Variants in PRKCB observed in about 807,000 individuals in gnomAD.
PRKCB encodes the protein protein kinase C beta, also known as protein kinase C beta type.
Under a neutral mutation model 81.5 loss-of-function variants are expected in PRKCB, and 13 were observed. The ratio of observed to expected loss-of-function variants is 0.16; its 90% CI spans 0.10 to 0.25. The LOEUF is 0.25. Among genes scored for constraint, PRKCB ranks in the 10% least tolerant of loss-of-function variants. The pLI is 1.00. For synonymous variants in PRKCB, 335 were observed against 321.4 expected, an observed-to-expected ratio of 1.04 and a Z score of -0.45; for missense variants, 509 against 875.7, an observed-to-expected ratio of 0.58 and a Z score of 5.29.
At chr16:24,002,073 TG>T in intron 3 of PRKCB, among the ~76,000 whole-genome samples, 1 of 152,214 alleles carries the variant, frequency 6.6e-6, no homozygotes, top group East Asian at 1.9e-4. Flanking sequence ...TCTTCTGACC[TG>T]GGTTTATTTG....
At chr16:23,905,319 A>G (rs1175709237) in intron 2 of PRKCB, among the ~76,000 whole-genome samples, 1 of 152,174 alleles carries the variant, frequency 6.6e-6, no homozygotes, top group East Asian at 1.9e-4. Flanking sequence ...CCTCCCGGTT[A>G]TAATGGCAAA....
At chr16:24,009,158 G>A (rs867238306) in intron 3 of PRKCB, among the ~76,000 whole-genome samples, 3 of 152,272 alleles carry the variant, frequency 2.0e-5, no homozygotes, top group Middle Eastern at 3.4e-3. Context: ...CAATGAACAT[G>A]GAACTGCTAA....
intron 5 of PRKCB, among the ~76,000 whole-genome samples, chr16:24,048,563 C>T (rs1158990647): frequency 1.3e-5 from 2 of 151,690 alleles, no homozygotes; most frequent in African/African-American, 4.8e-5. Flanking sequence ...AATCTCAGCT[C>T]ACTGCAACCT....
At chr16:24,185,396 G>A in intron 14 of PRKCB, 64 bp from the exon 15 acceptor site, 1 of 1,472,090 alleles carries the variant, frequency 6.8e-7, no homozygotes, top group Non-Finnish European at 9.5e-7. Flanking sequence ...TCTGCCAGTT[G>A]AGGGGAGCTA....
At position 24,200,862 on chromosome 16, in the gene PRKCB, G is replaced by A. The variant is rs542628086; in HGVS notation, c.1863+9632G>A. Among the ~76,000 whole-genome samples, 36 of 152,278 alleles carry A rather than the reference G, an allele frequency of 2.4e-4. 1 individual carries two copies. The South Asian group carries it at 7.5e-3, about 32-fold the overall frequency. On this transcript the variant is annotated intron_variant, in intron 16 of 16. Coordinates refer to ENST00000643927, the MANE Select transcript of PRKCB (RefSeq NM_002738.7). ...TAACACATGAACTTTGGCGGGGCAA[G>A]TCAACCATAGAACCTACCAGATACA...
At chr16:23,842,555 G>T (rs768204943) in intron 2 of PRKCB, among the ~76,000 whole-genome samples, 1 of 152,164 alleles carries the variant, frequency 6.6e-6, no homozygotes, top group Non-Finnish European at 1.5e-5. Context: ...AGAAACCCAT[G>T]CCTGGTTAGC....
At chr16:24,110,214 CTA>C (rs1222639305) in intron 7 of PRKCB, among the ~76,000 whole-genome samples, 136 of 149,196 alleles carry the variant, frequency 9.1e-4, no homozygotes, top group African/African-American at 3.3e-3. Flanking sequence ...TCTTTTAAGT[CTA>C]TTTTTTTTTT....
intron 7 of PRKCB, among the ~76,000 whole-genome samples, chr16:24,095,360 T>C (rs1966426875): frequency 6.6e-6 from 1 of 151,952 alleles, no homozygotes; most frequent in Non-Finnish European, 1.5e-5. Context: ...GCTGACTGGT[T>C]GGGGATGCAG....
chr16:23,926,138 T>C (rs2141751285), intron 2 of PRKCB, among the ~76,000 whole-genome samples: 1 of 151,634 alleles, frequency 6.6e-6, no homozygotes, highest in South Asian at 2.1e-4. Context: ...AGGCATCGTG[T>C]TGTGTACCTG....
intron 8 of PRKCB, among the ~76,000 whole-genome samples, chr16:24,114,740 A>G (rs975816840): frequency 6.6e-6 from 1 of 152,178 alleles, no homozygotes; most frequent in Non-Finnish European, 1.5e-5. Flanking sequence ...GTGGGAGATG[A>G]TCAATTCTAG....
At chr16:23,935,012 G>T (rs1388911417) in intron 2 of PRKCB, among the ~76,000 whole-genome samples, 2 of 152,184 alleles carry the variant, frequency 1.3e-5, no homozygotes, top group African/African-American at 2.4e-5. Context: ...GGAGGGATTT[G>T]CTTGGGGCAG....
At chr16:24,092,151 A>G (rs1474632715) in intron 5 of PRKCB, among the ~76,000 whole-genome samples, 2 of 152,124 alleles carry the variant, frequency 1.3e-5, no homozygotes, top group East Asian at 3.9e-4. Context: ...GAAACCCTGT[A>G]CTCATTAAGC....
At chr16:24,093,155 TA>T (rs1966397534) in intron 6 of PRKCB, among the ~76,000 whole-genome samples, 1 of 152,188 alleles carries the variant, frequency 6.6e-6, no homozygotes, top group Admixed American at 6.5e-5. Context: ...AAATTAGAGC[TA>T]TTTTTTTAAT....
chr16:23,914,403 G>A (rs1010701437), intron 2 of PRKCB, among the ~76,000 whole-genome samples: 1 of 152,124 alleles, frequency 6.6e-6, no homozygotes, highest in East Asian at 1.9e-4. Flanking sequence ...CTACCCAGAA[G>A]ATCCTTAGCA....
At chr16:23,933,444 A>T (rs1158069866) in intron 2 of PRKCB, among the ~76,000 whole-genome samples, 2 of 152,196 alleles carry the variant, frequency 1.3e-5, no homozygotes, top group African/African-American at 4.8e-5. Context: ...TCAAGCCAGA[A>T]GATTCTTAAT....
intron 13 of PRKCB, among the ~76,000 whole-genome samples, chr16:24,181,200 G>A (rs745461844): frequency 2.0e-5 from 3 of 152,116 alleles, no homozygotes; most frequent in East Asian, 1.9e-4. Context: ...AAAATTCTTC[G>A]TCAAACTGTT....
At chr16:24,094,325 C>T (rs778185299) in intron 7 of PRKCB, 28 bp downstream of exon 7, 2 of 1,611,878 alleles carry the variant, frequency 1.2e-6, no homozygotes, top group Non-Finnish European at 8.5e-7. Flanking sequence ...TTGAAAGCTA[C>T]CATACAGCTT....
intron 2 of PRKCB, among the ~76,000 whole-genome samples, chr16:23,872,883 A>AAACGG (rs929555739): frequency 2.6e-4 from 39 of 151,904 alleles, no homozygotes; most frequent in Non-Finnish European, 5.4e-4. Context: ...CTGGTTAGAA[A>AAACGG]AACGGAAGAC....
intron 9 of PRKCB, among the ~76,000 whole-genome samples, chr16:24,136,091 A>T (rs1596564010): frequency 6.8e-6 from 1 of 146,472 alleles, no homozygotes. Flanking sequence ...TTCTGATTGC[A>T]GCGTGTTTTT....
Sources: allele counts gnomAD v4.1 joint callset (sites outside exome capture counted in the v4.1 genomes callset), GRCh38; gene constraint gnomAD v4.1.1; transcripts MANE v1.5; gene names NCBI Gene and HGNC (gene_info 2026-07-23, HGNC 2026-07-21).